FAM53A: variants seen among roughly 807,000 people sequenced by gnomAD.
FAM53A encodes family with sequence similarity 53 member A, also known as protein FAM53A.
Under a neutral mutation model 26.6 loss-of-function variants are expected in FAM53A, and 28 were observed. The ratio of observed to expected loss-of-function variants is 1.05; its 90% CI spans 0.78 to 1.45. The LOEUF (loss-of-function observed/expected upper bound fraction) is 1.45. FAM53A is among the 40% of genes most tolerant of loss of function. The pLI is 0.00. For missense variants in FAM53A, 650 were observed against 575.8 expected, an observed-to-expected ratio of 1.13 and a Z score of -1.32; for synonymous variants, 290 against 253.1, an observed-to-expected ratio of 1.15 and a Z score of -1.38.
chr4:1,645,563 A>G (rs1712165490), intron 4 of FAM53A, among the ~76,000 whole-genome samples: 1 of 152,190 alleles, frequency 6.6e-6, no homozygotes, highest in Non-Finnish European at 1.5e-5. Flanking sequence ...CCCTCCACAC[A>G]GAGGCAGAAG....
At chr4:1,639,460 G>C (rs1711511537), downstream of FAM53A, among the ~76,000 whole-genome samples, 1 of 152,196 alleles carries the variant, frequency 6.6e-6, no homozygotes, top group Admixed American at 6.5e-5. Flanking sequence ...TGGCTCTGGG[G>C]AGCAGGTGAC....
At chr4:1,595,226 C>G in the FAM53A span, among the ~76,000 whole-genome samples, 3 of 152,246 alleles carry the variant, frequency 2.0e-5, no homozygotes, top group Admixed American at 1.3e-4. Context: ...AGGCTCTGGA[C>G]GGCCACAGGG....
intron 4 of FAM53A, among the ~76,000 whole-genome samples, chr4:1,643,191 G>T (rs751549316): frequency 6.6e-6 from 1 of 152,192 alleles, no homozygotes; most frequent in Non-Finnish European, 1.5e-5. Flanking sequence ...TTGACGCCAG[G>T]CATGGTGGCT....
At chr4:1,642,632 G>A (rs1482231047) in intron 4 of FAM53A, among the ~76,000 whole-genome samples, 1 of 152,108 alleles carries the variant, frequency 6.6e-6, no homozygotes, top group South Asian at 2.1e-4. Flanking sequence ...CCATGGCCAC[G>A]ACCAGGGCAC....
intron 1 of FAM53A, among the ~76,000 whole-genome samples, chr4:1,671,981 C>T (rs1409978911): frequency 6.8e-6 from 1 of 147,920 alleles, no homozygotes; most frequent in Non-Finnish European, 1.5e-5. Context: ...TCCCCAGCAG[C>T]CTGCCTGTGA....
intron 1 of FAM53A, among the ~76,000 whole-genome samples, chr4:1,681,428 C>T (rs896717994): frequency 6.6e-6 from 1 of 152,158 alleles, no homozygotes; most frequent in African/African-American, 2.4e-5. Flanking sequence ...CAGGTGTGAG[C>T]CACCACGCCC....
downstream of FAM53A, among the ~76,000 whole-genome samples, chr4:1,615,051 C>G (rs1041568936): frequency 6.6e-6 from 1 of 152,096 alleles, no homozygotes; most frequent in Admixed American, 6.6e-5. Context: ...GATGCGGCCA[C>G]GCCCACCCCA....
intron 4 of FAM53A, among the ~76,000 whole-genome samples, chr4:1,645,745 A>G (rs1712182549): frequency 6.6e-6 from 1 of 152,238 alleles, no homozygotes; most frequent in African/African-American, 2.4e-5. Context: ...CACCCTGGGC[A>G]TGGCTCCTGG....
chr4:1,625,964 C>T (rs1715280758), intron 1 of FAM53A, among the ~76,000 whole-genome samples: 1 of 152,230 alleles, frequency 6.6e-6, no homozygotes, highest in Non-Finnish European at 1.5e-5. Context: ...TCCCCAGGAT[C>T]CGCCCATCAG....
At chr4:1,665,054 C>T (rs538229022) in intron 2 of FAM53A, among the ~76,000 whole-genome samples, 21 of 152,004 alleles carry the variant, frequency 1.4e-4, no homozygotes, top group South Asian at 8.3e-4. Context: ...GTGGCTCATG[C>T]CTGTAATCCC....
At chr4:1,663,840 TA>T (rs200467394) in intron 2 of FAM53A, among the ~76,000 whole-genome samples, 40,037 of 136,198 alleles carry the variant, frequency 0.29, 5,795 homozygotes, top group Middle Eastern at 0.47. Context: ...ACCCTGTCTT[TA>T]AAAAAAAAAA....
intron 1 of FAM53A, among the ~76,000 whole-genome samples, chr4:1,627,102 G>A (rs774483866): frequency 9.9e-5 from 15 of 152,276 alleles, no homozygotes; most frequent in Non-Finnish European, 1.5e-4. Flanking sequence ...GCTTCGCTCC[G>A]GTGCCCCCAG....
chr4:1,668,109 T>C (rs574325442), intron 2 of FAM53A, among the ~76,000 whole-genome samples: 1 of 151,118 alleles, frequency 6.6e-6, no homozygotes, highest in Admixed American at 6.6e-5. Context: ...AGTCAGCCTT[T>C]CAGTAAAACT....
At chr4:1,638,191 G>A (rs757317753), downstream of FAM53A, among the ~76,000 whole-genome samples, 110 of 151,794 alleles carry the variant, frequency 7.2e-4, no homozygotes, top group Non-Finnish European at 1.0e-3. Flanking sequence ...TGCCCCTGGT[G>A]AGGGTCCTGG....
At chr4:1,580,677 C>A in the FAM53A span, among the ~76,000 whole-genome samples, 5 of 143,680 alleles carry the variant, frequency 3.5e-5, no homozygotes, top group Non-Finnish European at 7.7e-5. Flanking sequence ...ACGCCTCCCA[C>A]TGAGGACCCT....
At chr4:1,634,239 G>A (rs1715739350) in intron 1 of FAM53A, among the ~76,000 whole-genome samples, 1 of 152,180 alleles carries the variant, frequency 6.6e-6, no homozygotes. Flanking sequence ...GGACTCCCCT[G>A]TATGGGGTCC....
chr4:1,591,808 G>T, the FAM53A span, among the ~76,000 whole-genome samples: 4 of 152,184 alleles, frequency 2.6e-5, no homozygotes, highest in Non-Finnish European at 5.9e-5. Flanking sequence ...TCCCCAGAGG[G>T]CCGCAGGAGG....
the FAM53A span, chr4:1,574,412 G>A: frequency 6.6e-6 from 1 of 152,476 alleles, no homozygotes; most frequent in Admixed American, 6.5e-5. Flanking sequence ...TCCCACCAGG[G>A]TCAAAACCCC....
At chr4:1,618,038 G>GC in exon 2 of FAM53A, 1 of 456,380 alleles carries the variant, frequency 2.2e-6, no homozygotes. Flanking sequence ...GCTGTCAGAT[G>GC]CCGTGAAGAT....
Sources: allele counts gnomAD v4.1 joint callset (sites outside exome capture counted in the v4.1 genomes callset), GRCh38; gene constraint gnomAD v4.1.1; transcripts MANE v1.5; gene names NCBI Gene and HGNC (gene_info 2026-07-23, HGNC 2026-07-21).